Variants in KIF17 observed in about 807,000 individuals in gnomAD.
KIF17 encodes kinesin family member 17.
In KIF17, 80 loss-of-function variants were observed where a neutral mutation model predicts 96.8. The observed-to-expected ratio is 0.83, with a 90% CI of 0.69 to 1.00. The LOEUF is 1.00. Ranked by LOEUF, KIF17 falls within the 50% of genes least tolerant of loss-of-function variation. KIF17 has a pLI of 0.00. For missense variants in KIF17, 1,280 were observed against 1,372.9 expected, an observed-to-expected ratio of 0.93 and a Z score of 1.07; for synonymous variants, 567 against 587.5, an observed-to-expected ratio of 0.97 and a Z score of 0.51.
chr1:20,669,169 T>A (rs959372741), intron 13 of KIF17, among the ~76,000 whole-genome samples: 2 of 152,044 alleles, frequency 1.3e-5, no homozygotes, highest in African/African-American at 4.8e-5. Context: ...CTGGTGCCCT[T>A]CTGTCTGGGC....
downstream of KIF17, among the ~76,000 whole-genome samples, chr1:20,663,105 T>C: frequency 6.6e-6 from 1 of 151,976 alleles, no homozygotes; most frequent in East Asian, 1.9e-4. Flanking sequence ...GCGCCTGTAA[T>C]CCCAGCTACT....
intron 11 of KIF17, among the ~76,000 whole-genome samples, chr1:20,681,116 ACT>A (rs1442930260): frequency 1.4e-5 from 2 of 144,252 alleles, no homozygotes; most frequent in African/African-American, 5.2e-5. Context: ...ACAGAGCAAG[ACT>A]CTGTCTCAAA....
chr1:20,685,914 G>T lies in KIF17; in HGVS notation c.2019+132C>A. The T allele has an allele frequency of 1.3e-6, 1 of 779,172 alleles. No individual in the cohort carries two copies. The highest frequency in any genetic ancestry group is 2.2e-6 in the Non-Finnish European group (1 of 454,412). The allele number at this position is 779,172 out of a possible 1,614,324, so 48.3% of individuals were successfully genotyped here. ...CCTGGCCACGGGCCACAAGCCCGGG[G>T]AAGGCTGGAGTTGTTGTTCTCAGCT... On this transcript the variant is annotated intron_variant, in intron 9 of 14. Coordinates refer to ENST00000400463, the MANE Select transcript of KIF17 (RefSeq NM_001122819.3). The surrounding 1 kb of genome is among the most constrained non-coding windows in gnomAD (Gnocchi z 4.1).
In KIF17 at chr1:20,717,927, G is replaced by A. The variant is rs1272173159; in HGVS notation, c.-221C>T. On this transcript the variant is annotated 5_prime_UTR_variant, in exon 1 of 15. Coordinates refer to ENST00000400463, the MANE Select transcript of KIF17 (RefSeq NM_001122819.3). ...GGGGCCGCCGCTTCCTCCCGCGCCC[G>A]GGCTCGCCCGTTTCTGAGGCCCGGC... 10 of 187,792 alleles carry A rather than the reference G, an allele frequency of 5.3e-5. No homozygotes were observed. The highest frequency in any genetic ancestry group is 1.9e-4 in the African/African-American group (8 of 42,172). The allele number at this position is 187,792 out of a possible 1,614,324, so 11.6% of individuals were successfully genotyped here. A position where few individuals can be genotyped will look rare whatever the true frequency, so the allele number is the denominator to read the frequency against.
intron 11 of KIF17, among the ~76,000 whole-genome samples, chr1:20,678,852 G>A (rs2053781465): frequency 1.3e-5 from 2 of 152,238 alleles, no homozygotes; most frequent in South Asian, 2.1e-4. Context: ...GCTGCATTTA[G>A]AAGTGGGAAG....
At chr1:20,702,286 A>G (rs1212490965) in intron 5 of KIF17, among the ~76,000 whole-genome samples, 2 of 152,202 alleles carry the variant, frequency 1.3e-5, no homozygotes, top group Non-Finnish European at 2.9e-5. Context: ...CACCTCAGTC[A>G]TGCTGCTGGC....
intron 12 of KIF17, 112 bp from the exon 13 acceptor site, chr1:20,670,600 C>G: frequency 1.1e-6 from 1 of 949,734 alleles, no homozygotes; most frequent in Non-Finnish European, 1.7e-6. Flanking sequence ...GGGGAGGACA[C>G]TTCCCAGCCC....
At chr1:20,689,293 C>A (rs1447969412) in intron 7 of KIF17, among the ~76,000 whole-genome samples, 1 of 152,178 alleles carries the variant, frequency 6.6e-6, no homozygotes, top group East Asian at 1.9e-4. Flanking sequence ...GTCTGGACCT[C>A]CAGGCAGCAT....
chr1:20,677,620 G>A (rs1254878131), intron 11 of KIF17, among the ~76,000 whole-genome samples: 5 of 152,158 alleles, frequency 3.3e-5, no homozygotes, highest in Non-Finnish European at 7.4e-5. Context: ...TTGAGAGGCC[G>A]AGGTGGGTGG....
In KIF17 at chr1:20,715,725, G is replaced by C. The variant is rs951345273; in HGVS notation, c.232-86C>G. 10 of 1,503,888 alleles carry C rather than the reference G, an allele frequency of 6.6e-6. No individual in the cohort carries two copies. In the African/African-American group the frequency reaches 1.2e-4, roughly 19 times the overall value. The allele number at this position is 1,503,888 out of a possible 1,614,324, so 93.2% of individuals were successfully genotyped here. On this transcript the variant is annotated intron_variant, in intron 1 of 14. Coordinates refer to ENST00000400463, the MANE Select transcript of KIF17 (RefSeq NM_001122819.3). Reference sequence around the variant, plus strand: ...AGGGCTCCCTAACCCACAGACTCAGGGCCCTTCCTGGTCCCCCCACCAACA... The same window carrying C: ...AGGGCTCCCTAACCCACAGACTCAGCGCCCTTCCTGGTCCCCCCACCAACA...
chr1:20,693,340 G>C (rs1185749008), intron 6 of KIF17: 3 of 149,706 alleles, frequency 2.0e-5, no homozygotes, highest in Non-Finnish European at 4.4e-5. Context: ...AAGTTCCAGT[G>C]AACCCGAACC....
intron 8 of KIF17, 34 bp from the exon 9 acceptor site, chr1:20,686,160 G>C (rs1426369862): frequency 6.5e-7 from 1 of 1,528,422 alleles, no homozygotes; most frequent in South Asian, 1.2e-5. Context: ...GAGAAAGAAG[G>C]CTGATTTGGG....
In KIF17 at chr1:20,704,934, G is replaced by A. The variant is rs369603400; in HGVS notation, c.671-35C>T. On this transcript the variant is annotated intron_variant, in intron 4 of 14. Coordinates refer to ENST00000400463, the MANE Select transcript of KIF17 (RefSeq NM_001122819.3). The surrounding 1 kb of genome is among the most constrained non-coding windows in gnomAD (Gnocchi z 6.8). ...GACCAGGCAAAGTGGCGAGGGCCTC[G>A]GGTGAGCCCTATGTATCGAGGGCAA... is the stretch of plus-strand genomic sequence containing the variant. The A allele has an allele frequency of 2.9e-5, 45 of 1,575,228 alleles. No homozygotes were observed. Among genetic ancestry groups the A allele is most frequent in the African/African-American group, 1.9e-4 (14 of 74,430 alleles).
chr1:20,687,353 A>T lies in KIF17; in HGVS notation c.1938+35T>A, dbSNP rs771769097. 1.2e-6 allele frequency: 2 copies of T among 1,609,410 alleles called. No individual in the cohort carries two copies. The highest frequency in any genetic ancestry group is 3.3e-5 in the Admixed American group (2 of 60,008). ...GGCCCTGGGCAAGCTCTGCCTGCTC[A>T]GTGTTCACATGGCACCATGCGTGAC... is the stretch of plus-strand genomic sequence containing the variant. On this transcript the variant is annotated intron_variant, in intron 8 of 14. Transcript: ENST00000400463. This position sits in a 1 kb window ranked among gnomAD's most constrained non-coding sequence, Gnocchi z 4.4.
In KIF17 at chr1:20,687,180, G is replaced by C. The variant is rs531220164; in HGVS notation, c.1938+208C>G. 6.7e-4 allele frequency among the ~76,000 whole-genome samples: 102 copies of C among 152,334 alleles called. No homozygotes were observed. The highest frequency in any genetic ancestry group is 6.8e-3 in the Middle Eastern group (2 of 294). On this transcript the variant is annotated intron_variant, in intron 8 of 14. Coordinates refer to ENST00000400463, the MANE Select transcript of KIF17 (RefSeq NM_001122819.3). This position sits in a 1 kb window ranked among gnomAD's most constrained non-coding sequence, Gnocchi z 4.4. ...CCCAACTTTCTTATTGAATTACAGAGCATGAGACAGAGCTTCTCCTTCCCT... is the reference window on the plus strand; with the variant it reads ...CCCAACTTTCTTATTGAATTACAGACCATGAGACAGAGCTTCTCCTTCCCT...
chr1:20,693,406 A>G (rs767826368), intron 6 of KIF17, among the ~76,000 whole-genome samples: 1 of 151,598 alleles, frequency 6.6e-6, no homozygotes, highest in Non-Finnish European at 1.5e-5. Flanking sequence ...CTGGGACCAC[A>G]GGCACCCACC....
intron 5 of KIF17, among the ~76,000 whole-genome samples, chr1:20,703,203 T>C (rs111926833): frequency 0.04 from 5,255 of 132,468 alleles, 157 homozygotes; most frequent in Non-Finnish European, 0.055. Context: ...GGATGGGAGA[T>C]GGAAGGATGG....
rs113484665 is a variant in KIF17 at position 20,668,037 on chromosome 1, G to A, written c.2791-1706C>T. On this transcript the variant is annotated intron_variant, in intron 13 of 14. Transcript: ENST00000400463. ...AAAAAAAAAAAAGAGGTGGCCGGGCGCGGTGGCTCATGCCTGTAATCCCAG... is the reference window on the plus strand; with the variant it reads ...AAAAAAAAAAAAGAGGTGGCCGGGCACGGTGGCTCATGCCTGTAATCCCAG... Among the ~76,000 whole-genome samples, 605 of 150,180 alleles carry A rather than the reference G, an allele frequency of 4.0e-3. 4 individuals carry two copies. Among genetic ancestry groups the A allele is most frequent in the African/African-American group, 0.013 (549 of 40,838 alleles).
intron 11 of KIF17, among the ~76,000 whole-genome samples, chr1:20,681,543 G>T (rs1389117711): frequency 6.6e-6 from 1 of 152,056 alleles, no homozygotes; most frequent in Non-Finnish European, 1.5e-5. Context: ...CCAGGACGGT[G>T]GTGGGGGCGA....
Sources: allele counts gnomAD v4.1 joint callset (sites outside exome capture counted in the v4.1 genomes callset), GRCh38; gene constraint gnomAD v4.1.1; non-coding constraint Gnocchi (gnomAD v3.1); transcripts MANE v1.5; gene names NCBI Gene and HGNC (gene_info 2026-07-23, HGNC 2026-07-21).